RASAL2: variants seen among roughly 807,000 people sequenced by gnomAD.
The protein encoded by RASAL2 is ras GTPase-activating protein nGAP.
RASAL2 carries 58 observed loss-of-function variants against 128.9 expected under a neutral mutation model. That is an observed-to-expected ratio of 0.45 (90% CI 0.36 to 0.56). RASAL2 has a LOEUF of 0.56. Among genes scored for constraint, RASAL2 ranks in the 20% least tolerant of loss-of-function variants. The pLI is 0.00. For missense variants in RASAL2, 1,360 were observed against 1,601.6 expected (o/e 0.85, Z 2.57); for synonymous variants, 561 against 580.8 (o/e 0.97, Z 0.49).
intron 1 of RASAL2, among the ~76,000 whole-genome samples, chr1:178,180,647 A>G (rs907646534): frequency 8.1e-6 from 1 of 123,738 alleles, no homozygotes; most frequent in Non-Finnish European, 1.8e-5. Flanking sequence ...AGCCTGGGTG[A>G]TGGAGCGAGA....
At chr1:178,179,775 A>G (rs1158959064) in intron 1 of RASAL2, among the ~76,000 whole-genome samples, 2 of 152,204 alleles carry the variant, frequency 1.3e-5, no homozygotes, top group Non-Finnish European at 2.9e-5. Context: ...CTGATGATCT[A>G]TTCTTATCAC....
At position 178,314,169 on chromosome 1, in the gene RASAL2, T is replaced by C. The variant is rs961078518; in HGVS notation, c.457+14051T>C. 1.2e-4 allele frequency among the ~76,000 whole-genome samples: 18 copies of C among 152,334 alleles called. 1 individual carries two copies. The highest frequency in any genetic ancestry group is 4.3e-4 in the African/African-American group (18 of 41,578). Reference sequence around the variant, plus strand: ...CATAAGAATTAATTCCACATAGGTCTCTTGTAGACTCACAGCAACCTTTGC... The same window carrying C: ...CATAAGAATTAATTCCACATAGGTCCCTTGTAGACTCACAGCAACCTTTGC... On this transcript the variant is annotated intron_variant, in intron 3 of 17. Transcript: ENST00000367649.
intron 1 of RASAL2, among the ~76,000 whole-genome samples, chr1:178,169,829 A>G (rs1039623783): frequency 6.6e-6 from 1 of 152,016 alleles, no homozygotes; most frequent in Non-Finnish European, 1.5e-5. Context: ...GGGCCTTACC[A>G]AAAAGCAACT....
intron 3 of RASAL2, among the ~76,000 whole-genome samples, chr1:178,367,539 A>G (rs922455513): frequency 6.6e-6 from 1 of 152,122 alleles, no homozygotes; most frequent in African/African-American, 2.4e-5. Flanking sequence ...TTTGTTCACA[A>G]CTGTATGTGG....
chr1:178,132,749 A>G (rs1312283132), intron 1 of RASAL2, among the ~76,000 whole-genome samples: 2 of 146,898 alleles, frequency 1.4e-5, no homozygotes, highest in African/African-American at 2.5e-5. Context: ...GTTTTGATTC[A>G]CCTTTTACAA....
rs1572136004 is a variant in RASAL2 at position 178,469,216 on chromosome 1, G to A, written c.3678+1795G>A. ...GGGGGCTGAGGTGGGAGGATAGCTT[G>A]AGCCCAGGAGGTCAAGGCTGTGGTG... On this transcript the variant is annotated intron_variant, in intron 17 of 17. Coordinates refer to ENST00000367649, the MANE Select transcript of RASAL2 (RefSeq NM_170692.4). 2.0e-5 allele frequency among the ~76,000 whole-genome samples: 3 copies of A among 152,272 alleles called. No individual in the cohort carries two copies. In the East Asian group the frequency reaches 5.8e-4, roughly 29 times the overall value.
chr1:178,250,099 C>T (rs1664970722), intron 1 of RASAL2, among the ~76,000 whole-genome samples: 1 of 152,142 alleles, frequency 6.6e-6, no homozygotes, highest in South Asian at 2.1e-4. Context: ...GCTGGAAGGG[C>T]CCTCTTTGTC....
At chr1:178,372,036 C>A in intron 3 of RASAL2, 1 of 438,024 alleles carries the variant, frequency 2.3e-6, no homozygotes, top group Non-Finnish European at 3.0e-6. Context: ...AACCCTATTT[C>A]TTTCCCCCTC....
At chr1:178,445,260 A>G (rs1676921371) in intron 8 of RASAL2, among the ~76,000 whole-genome samples, 1 of 152,210 alleles carries the variant, frequency 6.6e-6, no homozygotes, top group Non-Finnish European at 1.5e-5. Context: ...GACAGAAACC[A>G]GAAAATATAG....
intron 3 of RASAL2, among the ~76,000 whole-genome samples, chr1:178,312,003 A>G (rs1274885643): frequency 6.6e-6 from 1 of 152,116 alleles, no homozygotes; most frequent in Non-Finnish European, 1.5e-5. Flanking sequence ...AAAAAATTAG[A>G]ATATAAAACT....
chr1:178,126,412 A>G (rs1659901869), intron 1 of RASAL2, among the ~76,000 whole-genome samples: 1 of 152,252 alleles, frequency 6.6e-6, no homozygotes, highest in African/African-American at 2.4e-5. Context: ...CCTGACTGGC[A>G]TAATCAGGAT....
intron 1 of RASAL2, among the ~76,000 whole-genome samples, chr1:178,209,703 T>G (rs1360035847): frequency 1.3e-5 from 2 of 152,014 alleles, no homozygotes; most frequent in Non-Finnish European, 2.9e-5. Context: ...CTCTCTCATA[T>G]GATAACATCC....
chr1:178,133,063 C>T (rs1227906867), intron 1 of RASAL2, among the ~76,000 whole-genome samples: 1 of 152,124 alleles, frequency 6.6e-6, no homozygotes, highest in Non-Finnish European at 1.5e-5. Flanking sequence ...CTGTGCCCGG[C>T]CTACAATTCA....
chr1:178,250,848 A>G (rs1665019471), intron 1 of RASAL2, among the ~76,000 whole-genome samples: 1 of 152,048 alleles, frequency 6.6e-6, no homozygotes, highest in African/African-American at 2.4e-5. Flanking sequence ...AAAGACCATA[A>G]AGTCTTCGAA....
intron 4 of RASAL2, among the ~76,000 whole-genome samples, chr1:178,418,650 G>A (rs1050413044): frequency 6.6e-6 from 1 of 152,202 alleles, no homozygotes. Flanking sequence ...AAGGAGCAAT[G>A]CCTGCATGTT....
chr1:178,133,481 ACTT>A (rs1660197104), intron 1 of RASAL2, among the ~76,000 whole-genome samples: 1 of 148,138 alleles, frequency 6.8e-6, no homozygotes, highest in African/African-American at 2.5e-5. Flanking sequence ...GCTCCCTGTT[ACTT>A]CTTTTTTTTT....
At chr1:178,337,364 A>T (rs1232569145) in intron 3 of RASAL2, among the ~76,000 whole-genome samples, 4 of 152,244 alleles carry the variant, frequency 2.6e-5, no homozygotes, top group Non-Finnish European at 5.9e-5. Flanking sequence ...ATAAAGTTTT[A>T]ATGGTATTTC....
chr1:178,182,812 CTTTTTG>C (rs1199494776), intron 1 of RASAL2, among the ~76,000 whole-genome samples: 1 of 114,832 alleles, frequency 8.7e-6, no homozygotes, highest in Non-Finnish European at 1.7e-5. Context: ...AGTCCCCAAC[CTTTTTG>C]TTTTGTGGAA....
At chr1:178,420,931 T>C (rs1675103898) in intron 5 of RASAL2, among the ~76,000 whole-genome samples, 1 of 152,190 alleles carries the variant, frequency 6.6e-6, no homozygotes, top group African/African-American at 2.4e-5. Context: ...GTAGAATGAC[T>C]ATAAAGAATA....
Sources: allele counts gnomAD v4.1 joint callset (sites outside exome capture counted in the v4.1 genomes callset), GRCh38; gene constraint gnomAD v4.1.1; transcripts MANE v1.5; gene names NCBI Gene and HGNC (gene_info 2026-07-23, HGNC 2026-07-21).